RASGRF2: variants seen among roughly 807,000 people sequenced by gnomAD.
RASGRF2 encodes ras-specific guanine nucleotide-releasing factor 2.
In RASGRF2, 76 loss-of-function variants were observed where a neutral mutation model predicts 151.0. That is an observed-to-expected ratio of 0.50 (90% CI 0.42 to 0.61). The LOEUF (loss-of-function observed/expected upper bound fraction) is 0.61. Ranked by LOEUF, RASGRF2 falls within the 20% of genes least tolerant of loss-of-function variation. RASGRF2 has a pLI of 0.00. For synonymous variants in RASGRF2, 504 were observed against 566.5 expected (o/e 0.89, Z 1.57); for missense variants, 1,148 against 1,564.6 (o/e 0.73, Z 4.49).
intron 1 of RASGRF2, among the ~76,000 whole-genome samples, chr5:81,036,591 T>G (rs1213961016): frequency 6.6e-6 from 1 of 152,190 alleles, no homozygotes; most frequent in Non-Finnish European, 1.5e-5. Context: ...AATATTTAAA[T>G]ATGTCTGTGC....
intron 17 of RASGRF2, among the ~76,000 whole-genome samples, chr5:81,157,984 A>G (rs1362011557): frequency 1.3e-5 from 2 of 152,226 alleles, no homozygotes; most frequent in African/African-American, 4.8e-5. Flanking sequence ...AGCTTTAAAT[A>G]CAAATATTGG....
At chr5:81,008,325 A>G (rs1278379191) in intron 1 of RASGRF2, among the ~76,000 whole-genome samples, 1 of 151,182 alleles carries the variant, frequency 6.6e-6, no homozygotes, top group East Asian at 2.0e-4. Context: ...TAATTTTTGT[A>G]TTTTTAATAG....
intron 17 of RASGRF2, among the ~76,000 whole-genome samples, chr5:81,163,594 C>T (rs1219222992): frequency 7.2e-5 from 11 of 152,072 alleles, no homozygotes; most frequent in Admixed American, 7.2e-4. Flanking sequence ...CATGTGGTCT[C>T]GCTACAAAAG....
At chr5:81,208,534 CTT>C (rs71000806) in intron 22 of RASGRF2, 96 bp downstream of exon 22, 356 of 251,416 alleles carry the variant, frequency 1.4e-3, no homozygotes, top group South Asian at 2.1e-3. Flanking sequence ...CTGTCACCCA[CTT>C]TTTTTTTTTT....
intron 2 of RASGRF2, among the ~76,000 whole-genome samples, chr5:81,052,600 A>G (rs1283639013): frequency 1.3e-5 from 2 of 152,198 alleles, no homozygotes; most frequent in Non-Finnish European, 2.9e-5. Flanking sequence ...TGGAGGTGAC[A>G]GTGTTAGGAC....
intron 2 of RASGRF2, among the ~76,000 whole-genome samples, chr5:81,063,281 C>G (rs1328096575): frequency 6.6e-6 from 1 of 152,116 alleles, no homozygotes; most frequent in Non-Finnish European, 1.5e-5. Context: ...GAGTCTCTCT[C>G]TGTTGCCCAG....
At chr5:81,055,715 C>T (rs966875921) in intron 2 of RASGRF2, among the ~76,000 whole-genome samples, 3 of 152,090 alleles carry the variant, frequency 2.0e-5, no homozygotes, top group African/African-American at 7.2e-5. Context: ...GTACCAGCTC[C>T]TCTTTGTACC....
At chr5:81,165,712 T>A (rs1468074913) in intron 17 of RASGRF2, among the ~76,000 whole-genome samples, 1 of 152,218 alleles carries the variant, frequency 6.6e-6, no homozygotes, top group East Asian at 1.9e-4. Context: ...CTGCTGGTCC[T>A]GTGTGCCTCT....
rs189132820 is a variant in RASGRF2, at chr5:81,155,280, A to T, written c.2687-24895A>T. 2.4e-3 allele frequency among the ~76,000 whole-genome samples: 367 copies of T among 152,228 alleles called. 1 individual carries two copies. The highest frequency in any genetic ancestry group is 3.5e-3 in the Non-Finnish European group (240 of 68,024). On this transcript the variant is annotated intron_variant, in intron 17 of 26. Coordinates refer to ENST00000265080, the MANE Select transcript of RASGRF2 (RefSeq NM_006909.3). The stretch of plus-strand genomic sequence containing the variant: ...TTTTTACTAACATCTTTCACAAAAG[A>T]CACCCTCAGAAATTGGTAAAAGGAA...
intron 18 of RASGRF2, among the ~76,000 whole-genome samples, chr5:81,200,959 C>T (rs567747091): frequency 4.6e-5 from 7 of 151,672 alleles, no homozygotes; most frequent in East Asian, 3.9e-4. Flanking sequence ...GTGTTGGGGG[C>T]GTGGTACGTG....
At chr5:81,201,146 A>C (rs1043022015) in intron 18 of RASGRF2, among the ~76,000 whole-genome samples, 184 bp from the exon 19 acceptor site, 2 of 152,144 alleles carry the variant, frequency 1.3e-5, no homozygotes, top group Non-Finnish European at 2.9e-5. Flanking sequence ...CAGAACTACC[A>C]ATAACAGACC....
At chr5:81,222,042 G>C (rs73768047) in intron 26 of RASGRF2, among the ~76,000 whole-genome samples, 2 of 152,138 alleles carry the variant, frequency 1.3e-5, no homozygotes, top group South Asian at 4.1e-4. Flanking sequence ...TTTTGCCCCC[G>C]TCCTAGTTTC....
chr5:81,196,134 C>T (rs1755259971), intron 18 of RASGRF2, among the ~76,000 whole-genome samples: 1 of 152,190 alleles, frequency 6.6e-6, no homozygotes, highest in Non-Finnish European at 1.5e-5. Flanking sequence ...TGGTGTGCAC[C>T]TGTAGTCACA....
At chr5:80,989,065 C>T (rs1748566688) in intron 1 of RASGRF2, among the ~76,000 whole-genome samples, 1 of 151,940 alleles carries the variant, frequency 6.6e-6, no homozygotes, top group Non-Finnish European at 1.5e-5. Context: ...GCAACCTCCA[C>T]CTCCGGGATT....
intron 12 of RASGRF2, among the ~76,000 whole-genome samples, chr5:81,099,938 C>T (rs1294790606): frequency 3.7e-5 from 5 of 133,962 alleles, no homozygotes; most frequent in South Asian, 2.4e-4. Flanking sequence ...GACAGAGTCT[C>T]GCCCTGTCGC....
intron 1 of RASGRF2, among the ~76,000 whole-genome samples, chr5:80,988,002 A>C (rs939763860): frequency 7.4e-5 from 9 of 122,176 alleles, no homozygotes; most frequent in Non-Finnish European, 1.2e-4. Flanking sequence ...TTTTGAAATA[A>C]ATGTGCGTGT....
intron 1 of RASGRF2, among the ~76,000 whole-genome samples, chr5:80,964,786 A>G (rs1391114459): frequency 6.6e-6 from 1 of 152,184 alleles, no homozygotes; most frequent in Admixed American, 6.5e-5. Context: ...TTTTTAAACA[A>G]GCAGTTTTAC....
intron 15 of RASGRF2, 41 bp from the exon 16 acceptor site, chr5:81,123,601 T>A (rs1196628251): frequency 1.3e-6 from 2 of 1,596,876 alleles, no homozygotes; most frequent in Non-Finnish European, 1.7e-6. Flanking sequence ...AGCTCTTGAA[T>A]TCATGGCCTG....
chr5:81,109,195 C>A, intron 13 of RASGRF2, 117 bp downstream of exon 13: 1 of 1,426,174 alleles, frequency 7.0e-7, no homozygotes, highest in Non-Finnish European at 9.2e-7. Flanking sequence ...GAATATGTTT[C>A]TTGACAGGAA....
Sources: allele counts gnomAD v4.1 joint callset (sites outside exome capture counted in the v4.1 genomes callset), GRCh38; gene constraint gnomAD v4.1.1; transcripts MANE v1.5; gene names NCBI Gene and HGNC (gene_info 2026-07-23, HGNC 2026-07-21).